RNF34: variants seen among roughly 807,000 people sequenced by gnomAD.
RNF34 encodes E3 ubiquitin-protein ligase RNF34.
Under a neutral mutation model 37.9 loss-of-function variants are expected in RNF34, and 12 were observed. That is an observed-to-expected ratio of 0.32 (90% CI 0.20 to 0.51). RNF34 has a LOEUF of 0.51. Ranked by LOEUF, RNF34 falls within the 20% of genes least tolerant of loss-of-function variation. The probability of loss-of-function intolerance (pLI) is 0.97; values close to 1 mark genes in which losing one functional copy is unlikely to be tolerated. For missense variants in RNF34, 362 were observed against 472.7 expected, an observed-to-expected ratio of 0.77 and a Z score of 2.17; for synonymous variants, 155 against 177.2, an observed-to-expected ratio of 0.87 and a Z score of 1.00.
intron 1 of RNF34, 86 bp downstream of exon 1, chr12:121,400,304 A>G: frequency 6.7e-7 from 1 of 1,487,306 alleles, no homozygotes; most frequent in Non-Finnish European, 9.1e-7. Context: ...TTTCCGCCTT[A>G]GCGGTTACCT....
At chr12:121,403,860 T>C (rs1389784065) in intron 1 of RNF34, among the ~76,000 whole-genome samples, 1 of 151,146 alleles carries the variant, frequency 6.6e-6, no homozygotes, top group Non-Finnish European at 1.5e-5. Context: ...CATTGCTATT[T>C]ACCTAGTTTA....
At position 121,416,373 on chromosome 12, in the gene RNF34, AGAAG is replaced by A. The variant is rs1555282205; in HGVS notation, c.223_225+1del. 1 of 1,606,760 alleles carries A rather than the reference AGAAG, an allele frequency of 6.2e-7. No individual in the cohort carries two copies. ...GGGCTTTCATTTTCAGTCTTTAGAA[AGAAG>A]GTGAGTTGGATGAAATGTTACATAA... On this transcript the variant is annotated frameshift_variant and splice_region_variant, in exon 2 of 6. Transcript: ENST00000361234. LOFTEE classifies it high-confidence loss of function.
At chr12:121,416,406 C>T (rs1555282213) in intron 2 of RNF34, 29 bp downstream of exon 2, 2 of 1,391,972 alleles carry the variant, frequency 1.4e-6, no homozygotes, top group Admixed American at 1.7e-5. Flanking sequence ...TACATAACAA[C>T]ACACATGGGT....
chr12:121,417,977 C>T lies in RNF34; in HGVS notation c.633+66C>T, dbSNP rs1593672063. The T allele has an allele frequency of 6.7e-7, 1 of 1,490,542 alleles. No individual in the cohort carries two copies. The highest frequency in any genetic ancestry group is 2.1e-5 in the Admixed American group (1 of 48,672). The allele number at this position is 1,490,542 out of a possible 1,614,324, so 92.3% of individuals were successfully genotyped here. A position where few individuals can be genotyped will look rare whatever the true frequency, so the allele number is the denominator to read the frequency against. ...TTATTCTTGGCCGTATATGGTGGGG[C>T]CTTTAGTGCTTGATGACTTCTGATA... On this transcript the variant is annotated intron_variant, in intron 3 of 5. Coordinates refer to ENST00000361234, the MANE Select transcript of RNF34 (RefSeq NM_025126.4). The surrounding 1 kb of genome is among the most constrained non-coding windows in gnomAD (Gnocchi z 5.0).
intron 5 of RNF34, among the ~76,000 whole-genome samples, chr12:121,421,365 C>T (rs1412662351): frequency 4.1e-5 from 4 of 97,614 alleles, no homozygotes; most frequent in African/African-American, 1.7e-4. Context: ...AGAGAGATCC[C>T]ATCTCTAAAA....
chr12:121,403,949 A>C (rs764249193), intron 1 of RNF34, among the ~76,000 whole-genome samples: 2 of 150,756 alleles, frequency 1.3e-5, no homozygotes, highest in African/African-American at 2.4e-5. Flanking sequence ...AGTCTATGGC[A>C]TTATTATTAC....
intron 1 of RNF34, among the ~76,000 whole-genome samples, chr12:121,403,886 CTG>C (rs544092140): frequency 2.9e-4 from 44 of 150,986 alleles, no homozygotes; most frequent in Admixed American, 2.4e-3. Flanking sequence ...AAGTGAATGA[CTG>C]TGTAGTAACA....
intron 1 of RNF34, among the ~76,000 whole-genome samples, chr12:121,401,639 C>T (rs1366795586): frequency 6.6e-6 from 1 of 152,010 alleles, no homozygotes; most frequent in African/African-American, 2.4e-5. Flanking sequence ...TATAATGCCT[C>T]GAAGAATCAG....
intron 3 of RNF34, among the ~76,000 whole-genome samples, chr12:121,419,659 G>A (rs1328849899): frequency 6.6e-6 from 1 of 152,196 alleles, no homozygotes; most frequent in Admixed American, 6.5e-5. Flanking sequence ...ATATGTGAAG[G>A]AAGGTACATA....
chr12:121,409,626 G>T (rs1555281114), intron 1 of RNF34: 1 of 152,238 alleles, frequency 6.6e-6, no homozygotes, highest in African/African-American at 2.4e-5. Flanking sequence ...AGTGAAATCA[G>T]AACCTCTGGG....
intron 1 of RNF34, among the ~76,000 whole-genome samples, chr12:121,406,658 G>T (rs1264151153): frequency 1.3e-5 from 2 of 152,176 alleles, no homozygotes; most frequent in Non-Finnish European, 2.9e-5. Flanking sequence ...TCCTATGGTG[G>T]CTCTACTGAG....
intron 1 of RNF34, chr12:121,402,641 A>G (rs1870108790): frequency 1.5e-6 from 1 of 653,284 alleles, no homozygotes; most frequent in African/African-American, 1.8e-5. Flanking sequence ...TGATCTCACC[A>G]TTAATTGTGC....
chr12:121,409,413 T>C (rs996675350), intron 1 of RNF34: 1 of 152,268 alleles, frequency 6.6e-6, no homozygotes, highest in Non-Finnish European at 1.5e-5. Flanking sequence ...TCCAGAACTC[T>C]AGGGCCACAG....
intron 1 of RNF34, 138 bp downstream of exon 1, chr12:121,400,356 C>T: frequency 3.6e-6 from 4 of 1,096,550 alleles, no homozygotes; most frequent in Non-Finnish European, 5.1e-6. Flanking sequence ...GGTCGCTTGC[C>T]CGGCTTCAGG....
chr12:121,420,506 C>T (rs1872033016), intron 4 of RNF34, 71 bp from the exon 5 acceptor site: 1 of 1,576,814 alleles, frequency 6.3e-7, no homozygotes, highest in Non-Finnish European at 8.7e-7. Context: ...TATTCAGGGC[C>T]AGTGATGAGT....
chr12:121,423,391 G>C lies in RNF34; in HGVS notation c.934G>C (p.Glu312Gln). 6.2e-7 allele frequency: 1 copy of C among 1,603,316 alleles called. No homozygotes were observed. Among genetic ancestry groups the C allele is most frequent in the Non-Finnish European group, 8.5e-7 (1 of 1,173,418 alleles). ...AGCTCTCTGTTGCCTTTCAGATGGC[G>C]AGCGGCTGCAGCTGCAGGATGAGGA... Reference protein sequence around the residue: ...ENEENQKSYGERLQLQDEEDD... With the variant: ...ENEENQKSYGQRLQLQDEEDD... Residue 312 changes from glutamate to glutamine, a missense_variant, in exon 6 of 6, where the codon GAG becomes CAG. Coordinates refer to ENST00000361234, the MANE Select transcript of RNF34 (RefSeq NM_025126.4). The surrounding 1 kb of genome is among the most constrained non-coding windows in gnomAD (Gnocchi z 4.3).
At chr12:121,416,466 C>A in intron 2 of RNF34, 89 bp downstream of exon 2, 3 of 919,656 alleles carry the variant, frequency 3.3e-6, no homozygotes, top group South Asian at 3.0e-5. Context: ...ATTTTCATTT[C>A]TGTTTATAAA....
At chr12:121,400,965 A>C (rs895587782) in intron 1 of RNF34, among the ~76,000 whole-genome samples, 1 of 152,200 alleles carries the variant, frequency 6.6e-6, no homozygotes, top group Non-Finnish European at 1.5e-5. Flanking sequence ...CTTTGTGAAC[A>C]GCAGTCAGTT....
chr12:121,400,818 C>T (rs7311769), intron 1 of RNF34, among the ~76,000 whole-genome samples: 1,753 of 152,280 alleles, frequency 0.012, 38 homozygotes, highest in African/African-American at 0.04. Flanking sequence ...AATTTGGCAG[C>T]TTGAGTTCTC....
Sources: gnomAD v4.1 joint callset for allele counts (sites outside exome capture counted in the v4.1 genomes callset) on GRCh38, gnomAD v4.1.1 for gene constraint, Gnocchi (gnomAD v3.1) non-coding constraint, MANE v1.5 for transcripts, NCBI Gene and HGNC (gene_info 2026-07-23, HGNC 2026-07-21) for gene names.